DGKB: variants seen among roughly 807,000 people sequenced by gnomAD.
DGKB encodes the protein diacylglycerol kinase beta, also known as 90 kDa diacylglycerol kinase.
A neutral mutation model predicts 114.3 loss-of-function variants in DGKB; 67 were observed. The ratio of observed to expected loss-of-function variants is 0.59; its 90% CI spans 0.48 to 0.72. The LOEUF (loss-of-function observed/expected upper bound fraction) is 0.72. Among genes scored for constraint, DGKB ranks in the 30% least tolerant of loss-of-function variants. The pLI is 0.00. For missense variants in DGKB, 907 were observed against 975.2 expected, an observed-to-expected ratio of 0.93 and a Z score of 0.93; for synonymous variants, 398 against 323.1, an observed-to-expected ratio of 1.23 and a Z score of -2.49.
At chr7:14,716,335 A>C (rs1314972550) in intron 6 of DGKB, among the ~76,000 whole-genome samples, 1 of 152,174 alleles carries the variant, frequency 6.6e-6, no homozygotes, top group African/African-American at 2.4e-5. Context: ...GGTGACTCTG[A>C]TGTGTGATAA....
At chr7:14,969,476 C>A (rs1787339054) in intron 1 of DGKB, among the ~76,000 whole-genome samples, 1 of 152,146 alleles carries the variant, frequency 6.6e-6, no homozygotes, top group Non-Finnish European at 1.5e-5. Flanking sequence ...CAGTATCAGT[C>A]TGTGGCTTGT....
At chr7:14,673,427 G>A (rs1397468638) in intron 12 of DGKB, among the ~76,000 whole-genome samples, 1 of 126,082 alleles carries the variant, frequency 7.9e-6, no homozygotes, top group South Asian at 2.4e-4. Flanking sequence ...TGACCCTCCT[G>A]TTTTCTCAAA....
chr7:14,665,336 C>T (rs1817845795), intron 13 of DGKB, among the ~76,000 whole-genome samples: 1 of 151,676 alleles, frequency 6.6e-6, no homozygotes. Context: ...ATGATGAGAA[C>T]ACATGGACAG....
chr7:14,554,208 C>T (rs1473926458), intron 20 of DGKB, among the ~76,000 whole-genome samples: 1 of 152,020 alleles, frequency 6.6e-6, no homozygotes. Flanking sequence ...TAGGTAAAGA[C>T]ATTTATGTTT....
intron 16 of DGKB, among the ~76,000 whole-genome samples, chr7:14,612,930 C>T (rs1380094310): frequency 6.6e-6 from 1 of 152,070 alleles, no homozygotes; most frequent in Admixed American, 6.6e-5. Flanking sequence ...CCAAAATGCA[C>T]ATGCAGAAAA....
At chr7:14,310,753 C>A (rs190267294) in intron 23 of DGKB, among the ~76,000 whole-genome samples, 2 of 152,300 alleles carry the variant, frequency 1.3e-5, no homozygotes, top group Non-Finnish European at 2.9e-5. Flanking sequence ...CCTTTTCCAA[C>A]AGGACCTGAG....
At chr7:14,859,760 C>T (rs180890166) in intron 1 of DGKB, among the ~76,000 whole-genome samples, 10 of 152,178 alleles carry the variant, frequency 6.6e-5, no homozygotes, top group African/African-American at 2.4e-4. Flanking sequence ...TTTCCTATCT[C>T]CCCGTACCTC....
chr7:14,769,478 A>G (rs998200211), intron 2 of DGKB, among the ~76,000 whole-genome samples: 1 of 151,856 alleles, frequency 6.6e-6, no homozygotes, highest in Non-Finnish European at 1.5e-5. Context: ...TCATGTTGAT[A>G]TTGGGATTTT....
At chr7:14,243,554 A>G (rs928079667) in intron 23 of DGKB, among the ~76,000 whole-genome samples, 1 of 152,224 alleles carries the variant, frequency 6.6e-6, no homozygotes, top group African/African-American at 2.4e-5. Context: ...TATAGGAGCT[A>G]TACTTTTATA....
chr7:14,372,215 C>T (rs1003964747), intron 21 of DGKB, among the ~76,000 whole-genome samples: 3 of 152,158 alleles, frequency 2.0e-5, no homozygotes, highest in South Asian at 2.1e-4. Context: ...GCTTCAATCA[C>T]GTTTATCAGC....
chr7:14,279,389 G>C (rs1475860559), intron 23 of DGKB, among the ~76,000 whole-genome samples: 1 of 152,130 alleles, frequency 6.6e-6, no homozygotes, highest in Non-Finnish European at 1.5e-5. Context: ...CACAGCTCAA[G>C]GAGGCCTGCC....
At chr7:14,318,380 C>G (rs891969910) in intron 23 of DGKB, among the ~76,000 whole-genome samples, 74 of 152,074 alleles carry the variant, frequency 4.9e-4, no homozygotes, top group African/African-American at 1.8e-3. Context: ...TTTTCGCAAC[C>G]TACTCATCTG....
intron 20 of DGKB, among the ~76,000 whole-genome samples, chr7:14,500,757 C>T (rs1216447700): frequency 6.6e-6 from 1 of 151,690 alleles, no homozygotes; most frequent in Non-Finnish European, 1.5e-5. Flanking sequence ...ATGGAGTCTA[C>T]TGGTGAAGAT....
chr7:14,721,435 G>C (rs956152693), intron 5 of DGKB, among the ~76,000 whole-genome samples: 1 of 151,996 alleles, frequency 6.6e-6, no homozygotes, highest in Admixed American at 6.6e-5. Context: ...TTTTTGTTTG[G>C]AAAAATGAGT....
intron 4 of DGKB, among the ~76,000 whole-genome samples, chr7:14,743,217 G>GCT (rs1210859188): frequency 6.6e-6 from 1 of 151,988 alleles, no homozygotes; most frequent in Admixed American, 6.6e-5. Flanking sequence ...GTAAAATTTG[G>GCT]CTCTCTCTCT....
At chr7:14,736,784 C>T (rs914999566) in intron 4 of DGKB, among the ~76,000 whole-genome samples, 2 of 152,200 alleles carry the variant, frequency 1.3e-5, no homozygotes, top group Non-Finnish European at 2.9e-5. Context: ...CTCTCTGATA[C>T]TCATTGCAGA....
At chr7:14,667,387 C>G (rs775302696) in intron 13 of DGKB, among the ~76,000 whole-genome samples, 6 of 151,984 alleles carry the variant, frequency 3.9e-5, no homozygotes, top group Admixed American at 6.6e-5. Flanking sequence ...CAATTCCTAA[C>G]TACAGAGTCA....
chr7:14,401,690 T>C lies in DGKB; in HGVS notation c.1836-56299A>G, dbSNP rs1003451556. Among the ~76,000 whole-genome samples the C allele has an allele frequency of 1.1e-4, 17 of 151,904 alleles. 3 individuals carry two copies. The highest frequency in any genetic ancestry group is 9.7e-4 in the East Asian group (5 of 5,166). ...ATAATCGCTTGCAATAGGCCCAGTT[T>C]TTAAATGTTTCAAATAATTGATATA... On this transcript the variant is annotated intron_variant, in intron 21 of 25. Coordinates refer to ENST00000402815, the MANE Select transcript of DGKB (RefSeq NM_001350709.2).
At chr7:14,695,049 A>C (rs181557951) in intron 8 of DGKB, among the ~76,000 whole-genome samples, 52 of 152,328 alleles carry the variant, frequency 3.4e-4, no homozygotes, top group Admixed American at 3.9e-4. Flanking sequence ...CAATTTGGAA[A>C]AAAGAGAAAT....
Sources: gnomAD v4.1 joint callset for allele counts (sites outside exome capture counted in the v4.1 genomes callset) on GRCh38, gnomAD v4.1.1 for gene constraint, MANE v1.5 for transcripts, NCBI Gene and HGNC (gene_info 2026-07-23, HGNC 2026-07-21) for gene names.